CNTRL: variants seen among roughly 807,000 people sequenced by gnomAD.
The protein encoded by CNTRL is centriolin.
Under a neutral mutation model 303.7 loss-of-function variants are expected in CNTRL, and 233 were observed. The ratio of observed to expected loss-of-function variants is 0.77; its 90% CI spans 0.69 to 0.86. The LOEUF (loss-of-function observed/expected upper bound fraction) is 0.86. Ranked by LOEUF, CNTRL falls within the 40% of genes least tolerant of loss-of-function variation. The pLI, the probability that CNTRL is intolerant of heterozygous loss-of-function variation, is 0.00. For missense variants in CNTRL, 2,524 were observed against 2,650.6 expected (o/e 0.95, Z 1.05); for synonymous variants, 900 against 922.2 (o/e 0.98, Z 0.44).
intron 7 of CNTRL, among the ~76,000 whole-genome samples, chr9:121,107,124 C>T (rs968694787): frequency 1.2e-4 from 19 of 152,186 alleles, no homozygotes; most frequent in African/African-American, 4.6e-4. Context: ...ATCATCTAAC[C>T]TGGTGACAGG....
At position 121,171,553 on chromosome 9, in the gene CNTRL, G is replaced by A. The variant is rs1264445342; in HGVS notation, c.6417+5G>A. Reference sequence around the variant, plus strand: ...TACACGGAGCTCAAGAAACAGGTGTGTGCCCAGAAAGCCCAGCTGGCCAGC... The same window carrying A: ...TACACGGAGCTCAAGAAACAGGTGTATGCCCAGAAAGCCCAGCTGGCCAGC... On this transcript the variant is annotated splice_donor_5th_base_variant and intron_variant, in intron 40 of 43. Transcript: ENST00000373855. The A allele has an allele frequency of 6.2e-7, 1 of 1,612,482 alleles. No individual in the cohort carries two copies. Among genetic ancestry groups the A allele is most frequent in the South Asian group, 1.1e-5 (1 of 90,912 alleles).
intron 5 of CNTRL, among the ~76,000 whole-genome samples, chr9:121,095,677 A>T (rs2048860498): frequency 6.6e-6 from 1 of 152,234 alleles, no homozygotes; most frequent in Admixed American, 6.5e-5. Flanking sequence ...CTGAAATGAA[A>T]AAAAATGATT....
intron 21 of CNTRL, 47 bp downstream of exon 21, chr9:121,145,006 G>T: frequency 6.7e-7 from 1 of 1,484,118 alleles, no homozygotes; most frequent in Non-Finnish European, 9.4e-7. Flanking sequence ...ATTCTTATCA[G>T]TTCCTAAAAG....
chr9:121,176,375 A>AATTAGCAGCAGGGCC (rs575967844), intron 43 of CNTRL, among the ~76,000 whole-genome samples: 8 of 152,200 alleles, frequency 5.3e-5, no homozygotes, highest in East Asian at 1.9e-4. Flanking sequence ...TCACACAGCT[A>AATTAGCAGCAGGGCC]ATTAGCAGCA....
intron 15 of CNTRL, among the ~76,000 whole-genome samples, chr9:121,136,830 T>G (rs2051224121): frequency 6.6e-6 from 1 of 152,212 alleles, no homozygotes; most frequent in Admixed American, 6.5e-5. Context: ...TGGTAAACTT[T>G]AGTCCAGCAA....
In CNTRL at chr9:121,162,364, A is replaced by G. The variant is rs1285679111; in HGVS notation, c.5423+93A>G. 3.7e-6 allele frequency: 4 copies of G among 1,067,786 alleles called. No individual in the cohort carries two copies. In the African/African-American group the frequency reaches 4.7e-5, roughly 13 times the overall value. 66.1% of individuals were successfully genotyped at this position (1,067,786 alleles called of 1,614,324 possible). On this transcript the variant is annotated intron_variant, in intron 34 of 43. Coordinates refer to ENST00000373855, the MANE Select transcript of CNTRL (RefSeq NM_007018.6). ...AAAAATTTGGAAAATAGAGAAAAAG[A>G]TAAAATACACCACAAACTTGGTATC... is the stretch of plus-strand genomic sequence containing the variant.
At chr9:121,080,875 A>T (rs1035766071) in intron 2 of CNTRL, among the ~76,000 whole-genome samples, 4 of 152,236 alleles carry the variant, frequency 2.6e-5, no homozygotes, top group African/African-American at 9.6e-5. Flanking sequence ...AGAGAAAAGC[A>T]TAGCAAATTT....
intron 25 of CNTRL, 111 bp downstream of exon 25, chr9:121,150,594 G>A: frequency 2.0e-6 from 2 of 1,012,500 alleles, no homozygotes; most frequent in Non-Finnish European, 3.0e-6. Flanking sequence ...GGCAAAGTGT[G>A]TTTGTAAGGC....
chr9:121,164,898 G>A (rs41273418), intron 34 of CNTRL, 45 bp from the exon 35 acceptor site: 9 of 1,518,808 alleles, frequency 5.9e-6, no homozygotes, highest in South Asian at 1.2e-5. Context: ...GTCATCTCCT[G>A]TGTGTGCTTG....
chr9:121,127,801 C>A (rs898076259), intron 14 of CNTRL, among the ~76,000 whole-genome samples: 4 of 124,562 alleles, frequency 3.2e-5, no homozygotes, highest in Non-Finnish European at 6.7e-5. Context: ...CCCCTCCCCC[C>A]ACCCCACGAC....
At position 121,169,602 on chromosome 9, in the gene CNTRL, T is replaced by C. The variant is rs750011435; in HGVS notation, c.6071-9T>C. On this transcript the variant is annotated splice_polypyrimidine_tract_variant and intron_variant, in intron 38 of 43. Coordinates refer to ENST00000373855, the MANE Select transcript of CNTRL (RefSeq NM_007018.6). ...CTTTGGCTAAACCTACTGAAAATGCTCATTTCAGAACGGCAGCTTTCAGAA... is the reference window on the plus strand; with the variant it reads ...CTTTGGCTAAACCTACTGAAAATGCCCATTTCAGAACGGCAGCTTTCAGAA... 6.2e-6 allele frequency: 10 copies of C among 1,613,948 alleles called. No homozygotes were observed. The South Asian group carries it at 8.8e-5, about 14-fold the overall frequency.
intron 7 of CNTRL, among the ~76,000 whole-genome samples, chr9:121,099,243 A>G (rs1303391976): frequency 6.6e-6 from 1 of 152,164 alleles, no homozygotes; most frequent in Non-Finnish European, 1.5e-5. Context: ...GCCGTTCTGC[A>G]ATATATGCCG....
chr9:121,083,710 C>T (rs2048235323), intron 2 of CNTRL, among the ~76,000 whole-genome samples: 1 of 152,194 alleles, frequency 6.6e-6, no homozygotes, highest in African/African-American at 2.4e-5. Context: ...GTACTATGTA[C>T]TCTACATAAT....
At chr9:121,138,752 T>G (rs2051336421) in intron 16 of CNTRL, 73 bp downstream of exon 16, 1 of 1,496,778 alleles carries the variant, frequency 6.7e-7, no homozygotes, top group South Asian at 1.2e-5. Flanking sequence ...AGTCAGGCAC[T>G]TAGCAACCTG....
At chr9:121,123,528 G>T (rs1464310460) in intron 12 of CNTRL, among the ~76,000 whole-genome samples, 2 of 152,182 alleles carry the variant, frequency 1.3e-5, no homozygotes, top group East Asian at 3.9e-4. Context: ...GAACCCAGGA[G>T]GCGGAGGTTG....
chr9:121,166,913 C>T (rs545778922), intron 36 of CNTRL, among the ~76,000 whole-genome samples: 68 of 151,982 alleles, frequency 4.5e-4, no homozygotes, highest in African/African-American at 1.4e-3. Flanking sequence ...CCCAGCTACT[C>T]GGGAGGCTGA....
chr9:121,131,497 C>T (rs1417212952), intron 14 of CNTRL, among the ~76,000 whole-genome samples: 1 of 152,162 alleles, frequency 6.6e-6, no homozygotes, highest in Non-Finnish European at 1.5e-5. Context: ...GATCTTCCTC[C>T]ATTCCTTTAT....
chr9:121,129,902 T>C (rs2050756108), intron 14 of CNTRL, among the ~76,000 whole-genome samples: 1 of 152,248 alleles, frequency 6.6e-6, no homozygotes, highest in South Asian at 2.1e-4. Context: ...CATGTGGTTT[T>C]TGTCATTAGT....
chr9:121,112,630 G>A, intron 9 of CNTRL, 52 bp downstream of exon 9: 4 of 1,577,662 alleles, frequency 2.5e-6, no homozygotes, highest in Non-Finnish European at 3.5e-6. Context: ...ACATGGGATG[G>A]AATGGGGGAG....
Sources: gnomAD v4.1 joint callset for allele counts (sites outside exome capture counted in the v4.1 genomes callset) on GRCh38, gnomAD v4.1.1 for gene constraint, MANE v1.5 for transcripts, NCBI Gene and HGNC (gene_info 2026-07-23, HGNC 2026-07-21) for gene names.